Variants in PROKR1 observed in about 807,000 individuals in gnomAD.
The protein encoded by PROKR1 is G protein-coupled receptor 73.
A neutral mutation model predicts 22.8 loss-of-function variants in PROKR1; 21 were observed. The ratio of observed to expected loss-of-function variants is 0.92; its 90% confidence interval spans 0.65 to 1.32. The LOEUF (loss-of-function observed/expected upper bound fraction) is 1.32. Ranked by LOEUF, PROKR1 falls within the 40% of genes most tolerant of loss-of-function variation. PROKR1 has a pLI of 0.00. For missense variants in PROKR1, 548 were observed against 514.2 expected (o/e 1.07, Z -0.64); for synonymous variants, 193 against 207.5 (o/e 0.93, Z 0.60).
At chr2:68,651,964 C>T (rs1188888187) in intron 2 of PROKR1, among the ~76,000 whole-genome samples, 1 of 152,194 alleles carries the variant, frequency 6.6e-6, no homozygotes, top group Non-Finnish European at 1.5e-5. Context: ...CTTCTTAGAA[C>T]ACCAATAGTT....
intron 2 of PROKR1, among the ~76,000 whole-genome samples, chr2:68,648,180 C>A (rs754137554): frequency 1.4e-4 from 22 of 152,080 alleles, no homozygotes; most frequent in Non-Finnish European, 2.2e-4. Context: ...ATCCATTTTA[C>A]CACTTGAACG....
Position 68,657,260 on chromosome 2 carries a change from G to C in PROKR1, c.*1684G>C, listed in dbSNP as rs1278792808. On this transcript the variant is annotated 3_prime_UTR_variant, in exon 3 of 3. Transcript: ENST00000303786. ...ACAAGTTATCAAAAGGATGGGCTAG[G>C]AACTACGTGTAGTGCGCCTGGACAA... 1 of 152,166 alleles carries C rather than the reference G, an allele frequency of 6.6e-6. No homozygotes were observed. Among genetic ancestry groups the C allele is most frequent in the Non-Finnish European group, 1.5e-5 (1 of 68,034 alleles). The allele number at this position is 152,166 out of a possible 1,614,324, so 9.4% of individuals were successfully genotyped here. A position where few individuals can be genotyped will look rare whatever the true frequency, so the allele number is the denominator to read the frequency against.
Position 68,645,828 on chromosome 2 carries a change from AC to A in PROKR1, c.9del (p.Thr4ProfsTer49). On this transcript the variant is annotated frameshift_variant, in exon 2 of 3. Transcript: ENST00000303786. LOFTEE classifies it high-confidence loss of function. ...CACAGCACCACCTGGCCAGATGGAG[AC>A]CACCATGGGGTTCATGGATGACAAT... Reference protein sequence around the residue: METTMGFMDDNAT... With the variant: MEXTMGFMDDNAT... 1 of 1,614,166 alleles carries A rather than the reference AC, an allele frequency of 6.2e-7. No homozygotes were observed. Among genetic ancestry groups the A allele is most frequent in the Non-Finnish European group, 8.5e-7 (1 of 1,180,022 alleles).
chr2:68,645,301 G>A lies in PROKR1; in HGVS notation c.-160-361G>A, dbSNP rs149519832. 1.7e-3 allele frequency among the ~76,000 whole-genome samples: 262 copies of A among 152,256 alleles called. 1 individual carries two copies. The highest frequency in any genetic ancestry group is 6.1e-3 in the African/African-American group (252 of 41,558). ...GAGCCATGTTCTGCCAGAAGAGCAAGGAGAGCAGACAGGCTTGTCTGAAAG... is the reference window on the plus strand; with the variant it reads ...GAGCCATGTTCTGCCAGAAGAGCAAAGAGAGCAGACAGGCTTGTCTGAAAG... On this transcript the variant is annotated intron_variant, in intron 1 of 2. Transcript: ENST00000303786.
At chr2:68,652,361 G>C (rs988374693) in intron 2 of PROKR1, among the ~76,000 whole-genome samples, 6 of 152,184 alleles carry the variant, frequency 3.9e-5, no homozygotes, top group Non-Finnish European at 8.8e-5. Context: ...TCTGGTCCTA[G>C]CATTGACAAA....
In PROKR1 at chr2:68,655,747, C is replaced by G; in HGVS notation, c.*171C>G. 1 of 675,376 alleles carries G rather than the reference C, an allele frequency of 1.5e-6. No individual in the cohort carries two copies. The allele number at this position is 675,376 out of a possible 1,614,324, so 41.8% of individuals were successfully genotyped here. A position where few individuals can be genotyped will look rare whatever the true frequency, so the allele number is the denominator to read the frequency against. ...CTCAGAGTTTCTAAAATGCATGTGA[C>G]CAGACACTATCAACAGTGGCATTTG... On this transcript the variant is annotated 3_prime_UTR_variant, in exon 3 of 3. Transcript: ENST00000303786.
rs1450119117 is a variant in PROKR1, at chr2:68,645,662, GT to G, written c.-157del. The G allele has an allele frequency of 1.3e-5, 14 of 1,038,750 alleles. No homozygotes were observed. Among genetic ancestry groups the G allele is most frequent in the Non-Finnish European group, 1.8e-5 (13 of 706,738 alleles). The allele number at this position is 1,038,750 out of a possible 1,614,324, so 64.3% of individuals were successfully genotyped here. On this transcript the variant is annotated splice_region_variant and 5_prime_UTR_variant, in exon 2 of 3. The change abolishes the stop of an existing upstream ORF in the 5' untranslated region. Coordinates refer to ENST00000303786, the MANE Select transcript of PROKR1 (RefSeq NM_138964.4). Reference sequence around the variant, plus strand: ...CCAACTGTTTGTATGTCTTTCAAAGGTTTAGAATGGAGCTCAGATACCATAC... The same window carrying G: ...CCAACTGTTTGTATGTCTTTCAAAGGTTAGAATGGAGCTCAGATACCATAC...
chr2:68,655,278 T>TA lies in PROKR1; in HGVS notation c.885dup (p.Cys296MetfsTer74). 1 of 1,614,270 alleles carries TA rather than the reference T, an allele frequency of 6.2e-7. No homozygotes were observed. The highest frequency in any genetic ancestry group is 1.1e-5 in the South Asian group (1 of 91,090). ...ATGTGCATCCTCACCGCCTACGTGCTATGCTGGGCGCCCTTCTACGGCTTC... is the reference window on the plus strand; with the variant it reads ...ATGTGCATCCTCACCGCCTACGTGCTAATGCTGGGCGCCCTTCTACGGCTTC... On this transcript the variant is annotated frameshift_variant, in exon 3 of 3. Coordinates refer to ENST00000303786, the MANE Select transcript of PROKR1 (RefSeq NM_138964.4). LOFTEE classifies it high-confidence loss of function.
chr2:68,654,588 G>C (rs1260213492), intron 2 of PROKR1, among the ~76,000 whole-genome samples: 1 of 152,124 alleles, frequency 6.6e-6, no homozygotes, highest in East Asian at 1.9e-4. Context: ...GAGCCCAGGA[G>C]TTTGAGACTA....
intron 2 of PROKR1, among the ~76,000 whole-genome samples, chr2:68,647,592 C>T (rs1015612736): frequency 3.3e-5 from 5 of 152,020 alleles, no homozygotes; most frequent in African/African-American, 1.2e-4. Context: ...GTAGGCAGGG[C>T]GACCAGGGGT....
chr2:68,647,098 A>G (rs1420126264), intron 2 of PROKR1, among the ~76,000 whole-genome samples: 1 of 127,670 alleles, frequency 7.8e-6, no homozygotes, highest in South Asian at 2.4e-4. Context: ...ATTTGTTTTG[A>G]AAAAAAAGGG....
intron 1 of PROKR1, among the ~76,000 whole-genome samples, chr2:68,644,455 A>T (rs1369532915): frequency 6.6e-6 from 1 of 152,110 alleles, no homozygotes; most frequent in African/African-American, 2.4e-5. Context: ...GAAGGAAAAA[A>T]TCAGGGTAAG....
chr2:68,649,018 G>C lies in PROKR1; in HGVS notation c.485+2712G>C, dbSNP rs193069719. 1.1e-4 allele frequency among the ~76,000 whole-genome samples: 17 copies of C among 152,270 alleles called. No homozygotes were observed. In the East Asian group the frequency reaches 3.3e-3, roughly 29 times the overall value. On this transcript the variant is annotated intron_variant, in intron 2 of 2. Coordinates refer to ENST00000303786, the MANE Select transcript of PROKR1 (RefSeq NM_138964.4). ...TAAGCAATAAATAAACAGTGGATAT[G>C]ATAATTCTTAAATTAACCCTTATAG...
chr2:68,653,516 G>A (rs77254932), intron 2 of PROKR1, among the ~76,000 whole-genome samples: 1 of 152,136 alleles, frequency 6.6e-6, no homozygotes, highest in East Asian at 1.9e-4. Flanking sequence ...GGAAACAACC[G>A]GTTTGGCTTT....
chr2:68,651,212 A>G (rs531972157), intron 2 of PROKR1, among the ~76,000 whole-genome samples: 2 of 151,656 alleles, frequency 1.3e-5, no homozygotes, highest in South Asian at 4.2e-4. Flanking sequence ...AGAAAAAAAA[A>G]ATTTACCGGG....
Position 68,655,173 on chromosome 2 carries a change from G to C in PROKR1, c.779G>C (p.Trp260Ser). Reference protein sequence around the residue: ...LCYARISRELWFKAVPGFQTE... With the variant: ...LCYARISRELSFKAVPGFQTE... The stretch of plus-strand genomic sequence containing the variant: ...TATGCCAGGATCTCCCGGGAGCTCT[G>C]GTTCAAGGCGGTCCCTGGATTCCAG... The change falls in exon 3 of 3, where the codon TGG (tryptophan) becomes TCG (serine). Residue 260 changes from tryptophan (W) to serine (S), a missense_variant. Trp to Ser is a radical substitution (Grantham distance 177). Coordinates refer to ENST00000303786, the MANE Select transcript of PROKR1 (RefSeq NM_138964.4). 1 of 1,614,110 alleles carries C rather than the reference G, an allele frequency of 6.2e-7. No homozygotes were observed. The highest frequency in any genetic ancestry group is 2.2e-5 in the East Asian group (1 of 44,900).
chr2:68,649,105 C>T (rs746225339), intron 2 of PROKR1, among the ~76,000 whole-genome samples: 12 of 152,022 alleles, frequency 7.9e-5, no homozygotes, highest in Non-Finnish European at 1.3e-4. Flanking sequence ...AACCTTTTTG[C>T]TTTCATTGAA....
chr2:68,655,691 G>A lies in PROKR1; in HGVS notation c.*115G>A. The A allele has an allele frequency of 1.0e-6, 1 of 975,290 alleles. No individual in the cohort carries two copies. Among genetic ancestry groups the A allele is most frequent in the Non-Finnish European group, 1.6e-6 (1 of 637,110 alleles). 60.4% of individuals were successfully genotyped at this position (975,290 alleles called of 1,614,324 possible). A position where few individuals can be genotyped will look rare whatever the true frequency, so the allele number is the denominator to read the frequency against. ...GTTTGCTGCAGAGGGTAAAGTAAAT[G>A]GACCACTCTGTGAGCAATGTTTTCA... On this transcript the variant is annotated 3_prime_UTR_variant, in exon 3 of 3. Transcript: ENST00000303786.
At chr2:68,645,056 C>T (rs1047468303) in intron 1 of PROKR1, among the ~76,000 whole-genome samples, 6 of 152,128 alleles carry the variant, frequency 3.9e-5, no homozygotes, top group African/African-American at 1.4e-4. Context: ...AGCTATTTAC[C>T]CCTGGACACT....
Sources: gnomAD v4.1 joint callset for allele counts (sites outside exome capture counted in the v4.1 genomes callset) on GRCh38, gnomAD v4.1.1 for gene constraint, MANE v1.5 for transcripts, NCBI Gene and HGNC (gene_info 2026-07-23, HGNC 2026-07-21) for gene names.